Variants in PDE3A observed in about 807,000 individuals in gnomAD.
The protein encoded by PDE3A is cGMP-inhibited 3',5'-cyclic phosphodiesterase 3A.
A neutral mutation model predicts 98.3 loss-of-function variants in PDE3A; 43 were observed. The ratio of observed to expected loss-of-function variants is 0.44; its 90% CI spans 0.34 to 0.56. The LOEUF (loss-of-function observed/expected upper bound fraction) is 0.56. PDE3A is among the 20% of genes least tolerant of loss of function. The pLI is 0.01. For missense variants in PDE3A, 1,427 were observed against 1,440.7 expected, an observed-to-expected ratio of 0.99 and a Z score of 0.15; for synonymous variants, 663 against 567.9, an observed-to-expected ratio of 1.17 and a Z score of -2.38.
intron 4 of PDE3A, among the ~76,000 whole-genome samples, chr12:20,620,366 C>T (rs756560876): frequency 1.3e-5 from 2 of 151,994 alleles, no homozygotes; most frequent in Non-Finnish European, 2.9e-5. Context: ...CTTGAAAGGA[C>T]ACAGGTGTTA....
chr12:20,539,654 A>T (rs1470072807), intron 1 of PDE3A, among the ~76,000 whole-genome samples: 1 of 152,096 alleles, frequency 6.6e-6, no homozygotes, highest in Non-Finnish European at 1.5e-5. Context: ...AGATGGATGG[A>T]TGGATGATCA....
In PDE3A at chr12:20,369,541, G is replaced by T. The variant is rs747794203; in HGVS notation, c.257G>T (p.Gly86Val). Residue 86 changes from glycine to valine, a missense_variant, in exon 1 of 16, where the codon GGC becomes GTC. By Grantham distance (109) the Gly-to-Val change is moderately radical. Transcript: ENST00000359062. ...GTGAGGCTGGTCCGCGGGGAGGTCG[G>T]CTGTGACCTGGAGCAGTGTAAGGAG... ...LLVRLVRGEVGCDLEQCKEAA... is the reference protein window; with the variant it reads ...LLVRLVRGEVVCDLEQCKEAA... 7 of 1,558,180 alleles carry T rather than the reference G, an allele frequency of 4.5e-6. No homozygotes were observed. The African/African-American group carries it at 9.5e-5, about 21-fold the overall frequency.
chr12:20,448,904 A>G (rs1945010023), intron 1 of PDE3A, among the ~76,000 whole-genome samples: 1 of 152,138 alleles, frequency 6.6e-6, no homozygotes, highest in Non-Finnish European at 1.5e-5. Flanking sequence ...GTCTGTTTCC[A>G]TGCATTTTAA....
chr12:20,558,144 G>T (rs1355172841), intron 2 of PDE3A, among the ~76,000 whole-genome samples: 2 of 150,942 alleles, frequency 1.3e-5, no homozygotes, highest in Non-Finnish European at 3.0e-5. Context: ...TCTCTATTTT[G>T]CTTACTTTGG....
At chr12:20,673,466 A>C (rs1218129763) in intron 15 of PDE3A, among the ~76,000 whole-genome samples, 2 of 139,950 alleles carry the variant, frequency 1.4e-5, no homozygotes, top group Non-Finnish European at 3.1e-5. Context: ...TCCAACAATG[A>C]TAGACTGGAT....
At chr12:20,594,452 A>G (rs1340626415) in intron 2 of PDE3A, among the ~76,000 whole-genome samples, 1 of 152,118 alleles carries the variant, frequency 6.6e-6, no homozygotes, top group African/African-American at 2.4e-5. Context: ...AGTCCTCAAT[A>G]AAGATTGGAT....
chr12:20,472,091 G>A (rs796097568), intron 1 of PDE3A, among the ~76,000 whole-genome samples: 11 of 152,154 alleles, frequency 7.2e-5, no homozygotes, highest in African/African-American at 2.6e-4. Context: ...AATGTATGTT[G>A]ACATGACCTA....
At chr12:20,629,265 A>T (rs1339826241) in intron 5 of PDE3A, among the ~76,000 whole-genome samples, 2 of 152,172 alleles carry the variant, frequency 1.3e-5, no homozygotes, top group East Asian at 3.9e-4. Flanking sequence ...CCATACTTGA[A>T]ATGGAAACTT....
chr12:20,431,876 G>A (rs1944705083), intron 1 of PDE3A, among the ~76,000 whole-genome samples: 1 of 152,142 alleles, frequency 6.6e-6, no homozygotes, highest in African/African-American at 2.4e-5. Context: ...GTTGTTGTAA[G>A]GTTCGTAAGT....
intron 1 of PDE3A, among the ~76,000 whole-genome samples, chr12:20,379,947 A>G (rs900584334): frequency 5.3e-5 from 8 of 151,802 alleles, no homozygotes; most frequent in African/African-American, 1.9e-4. Flanking sequence ...AGATCATTGT[A>G]GTGTAAACCT....
chr12:20,592,258 T>C (rs1943356093), intron 2 of PDE3A, among the ~76,000 whole-genome samples: 1 of 152,188 alleles, frequency 6.6e-6, no homozygotes, highest in Non-Finnish European at 1.5e-5. Context: ...AATGCCAGTG[T>C]ACTAATTACA....
chr12:20,619,412 A>C (rs1944082399), intron 4 of PDE3A, among the ~76,000 whole-genome samples: 1 of 152,040 alleles, frequency 6.6e-6, no homozygotes, highest in African/African-American at 2.4e-5. Context: ...AGTTACTGTA[A>C]GGCATTGTCT....
chr12:20,443,717 A>T (rs1425693791), intron 1 of PDE3A, among the ~76,000 whole-genome samples: 1 of 152,166 alleles, frequency 6.6e-6, no homozygotes, highest in South Asian at 2.1e-4. Flanking sequence ...TGGAAATCAT[A>T]AAAAACCCTA....
chr12:20,552,606 C>G lies in PDE3A; in HGVS notation c.961-4054C>G. ...CGGCAGGAGGTGGCCCGAGCAGGGCCGGGTCCCCGCGCCGGACATCCAAGA... is the reference window on the plus strand; with the variant it reads ...CGGCAGGAGGTGGCCCGAGCAGGGCGGGGTCCCCGCGCCGGACATCCAAGA... On this transcript the variant is annotated intron_variant, in intron 1 of 15. Transcript: ENST00000359062. This position sits in a 1 kb window ranked among gnomAD's most constrained non-coding sequence, Gnocchi z 5.1. 6.2e-7 allele frequency: 1 copy of G among 1,612,920 alleles called. No individual in the cohort carries two copies. The highest frequency in any genetic ancestry group is 8.5e-7 in the Non-Finnish European group (1 of 1,179,336).
rs10770645 is a variant in PDE3A, at chr12:20,385,001, C to A, written c.960+14757C>A. Among the ~76,000 whole-genome samples, 5 of 151,694 alleles carry A rather than the reference C, an allele frequency of 3.3e-5. No homozygotes were observed. In the East Asian group the frequency reaches 5.9e-4, roughly 18 times the overall value. On this transcript the variant is annotated intron_variant, in intron 1 of 15. Transcript: ENST00000359062. ...GTACTGCTGTGAACATAAACATGCA[C>A]GTATTTTTATAATAGAATGACTCAC...
chr12:20,593,916 G>C (rs1172785978), intron 2 of PDE3A, among the ~76,000 whole-genome samples: 1 of 152,038 alleles, frequency 6.6e-6, no homozygotes, highest in Non-Finnish European at 1.5e-5. Context: ...AAAAAGGAAA[G>C]CAGACAGTGA....
intron 1 of PDE3A, among the ~76,000 whole-genome samples, chr12:20,432,340 C>G (rs1167075331): frequency 6.6e-6 from 1 of 152,050 alleles, no homozygotes; most frequent in African/African-American, 2.4e-5. Flanking sequence ...AAAGGGTATA[C>G]AGTTTTGGTT....
intron 2 of PDE3A, among the ~76,000 whole-genome samples, chr12:20,575,370 A>C (rs1942905073): frequency 6.6e-6 from 1 of 152,088 alleles, no homozygotes; most frequent in African/African-American, 2.4e-5. Flanking sequence ...AAAATTAATT[A>C]AGATTAAGCT....
intron 1 of PDE3A, among the ~76,000 whole-genome samples, chr12:20,555,548 A>G (rs1225926402): frequency 1.3e-5 from 2 of 152,204 alleles, no homozygotes; most frequent in Non-Finnish European, 2.9e-5. Flanking sequence ...CGCTACACTT[A>G]TTCATCTGAC....
Sources: allele counts gnomAD v4.1 joint callset (sites outside exome capture counted in the v4.1 genomes callset), GRCh38; gene constraint gnomAD v4.1.1; non-coding constraint Gnocchi (gnomAD v3.1); transcripts MANE v1.5; gene names NCBI Gene and HGNC (gene_info 2026-07-23, HGNC 2026-07-21).